ZC3H14: variants seen among roughly 807,000 people sequenced by gnomAD.
ZC3H14 encodes the protein zinc finger CCCH-type containing 14.
A neutral mutation model predicts 92.4 loss-of-function variants in ZC3H14; 31 were observed. The ratio of observed to expected loss-of-function variants is 0.34; its 90% CI spans 0.25 to 0.45. ZC3H14 has a LOEUF of 0.45. Among genes scored for constraint, ZC3H14 ranks in the 20% least tolerant of loss-of-function variants. The pLI is 1.00. For synonymous variants in ZC3H14, 321 were observed against 300.9 expected, an observed-to-expected ratio of 1.07 and a Z score of -0.69; for missense variants, 781 against 897.3, an observed-to-expected ratio of 0.87 and a Z score of 1.66.
At chr14:88,599,438 C>T (rs2084292502) in intron 10 of ZC3H14, among the ~76,000 whole-genome samples, 1 of 152,146 alleles carries the variant, frequency 6.6e-6, no homozygotes, top group Non-Finnish European at 1.5e-5. Flanking sequence ...TGCATGGGGT[C>T]AGCCTGTGGT....
chr14:88,580,176 A>G lies in ZC3H14; in HGVS notation c.1279+2036A>G, dbSNP rs781669170. Among the ~76,000 whole-genome samples the G allele has an allele frequency of 1.6e-3, 246 of 152,122 alleles. 1 individual carries two copies. Among genetic ancestry groups the G allele is most frequent in the Admixed American group, 3.1e-3 (47 of 15,288 alleles). ...CAGGAGGCTGAGGTTGCAGTGAGCC[A>G]CGATCATACCATTGCCCTCCAGGGA... On this transcript the variant is annotated intron_variant, in intron 9 of 16. Transcript: ENST00000251038.
rs1479617614 is a variant in ZC3H14 at position 88,568,145 on chromosome 14, C to T, written c.186C>T (p.Phe62=). The change falls in exon 3 of 17, where the codon TTC becomes TTT. Residue 62 remains phenylalanine, a synonymous_variant. Transcript: ENST00000251038. The part of the protein sequence containing the change: ...SLFLGNNTIR[F]TVWLHGVLDK... Reference sequence around the variant, plus strand: ...TTCTAGGGAACAACACAATTCGATTCACCGTATGGTATGTTTCTGAATTTT... The same window carrying T: ...TTCTAGGGAACAACACAATTCGATTTACCGTATGGTATGTTTCTGAATTTT... The T allele has an allele frequency of 5.0e-6, 8 of 1,613,682 alleles. No individual in the cohort carries two copies. The highest frequency in any genetic ancestry group is 6.8e-6 in the Non-Finnish European group (8 of 1,179,766).
intron 9 of ZC3H14, among the ~76,000 whole-genome samples, chr14:88,578,467 T>C (rs895037221): frequency 1.3e-5 from 2 of 152,260 alleles, no homozygotes; most frequent in East Asian, 3.9e-4. Context: ...TTTTTGAAAG[T>C]CTTTTTATTG....
In ZC3H14 at chr14:88,616,212, G is replaced by A. The variant is rs538021093; in HGVS notation, c.*4461G>A. On this transcript the variant is annotated 3_prime_UTR_variant, in exon 17 of 17. Transcript: ENST00000251038. ...GTAAATCGAATATTTGTCACATGGG[G>A]CGAATGACCCAAGAACCTTTTGTGT... 17 of 1,613,900 alleles carry A rather than the reference G, an allele frequency of 1.1e-5. No homozygotes were observed. The South Asian group carries it at 1.8e-4, about 17-fold the overall frequency.
intron 9 of ZC3H14, among the ~76,000 whole-genome samples, chr14:88,587,674 G>C (rs888657656): frequency 6.6e-6 from 1 of 152,184 alleles, no homozygotes; most frequent in African/African-American, 2.4e-5. Context: ...GGGCATGGTT[G>C]GTGGCTCACA....
At chr14:88,609,530 C>A in intron 14 of ZC3H14, 127 bp downstream of exon 14, 1 of 1,484,394 alleles carries the variant, frequency 6.7e-7, no homozygotes, top group Non-Finnish European at 9.3e-7. Context: ...TTAATCCAAC[C>A]AGTCTTTAAA....
Position 88,613,808 on chromosome 14 carries a change from C to A in ZC3H14, c.*2057C>A, listed in dbSNP as rs1275044840. 1.3e-5 allele frequency: 2 copies of A among 152,188 alleles called. No homozygotes were observed. Among genetic ancestry groups the A allele is most frequent in the Admixed American group, 6.5e-5 (1 of 15,274 alleles). The allele number at this position is 152,188 out of a possible 1,614,324, so 9.4% of individuals were successfully genotyped here. On this transcript the variant is annotated 3_prime_UTR_variant, in exon 17 of 17. Transcript: ENST00000251038. ...CACAATCAGGAGCTTAGATACTGCACACAAAAATAATTATCTGGGTTAAAA... is the reference window on the plus strand; with the variant it reads ...CACAATCAGGAGCTTAGATACTGCAAACAAAAATAATTATCTGGGTTAAAA...
rs188943499 is a variant in ZC3H14, at chr14:88,577,417, A to G, written c.1124-568A>G. Among the ~76,000 whole-genome samples, 12 of 152,260 alleles carry G rather than the reference A, an allele frequency of 7.9e-5. No homozygotes were observed. The East Asian group carries it at 2.3e-3, about 29-fold the overall frequency. On this transcript the variant is annotated intron_variant, in intron 8 of 16. Transcript: ENST00000251038. ...ACCGCATTTTGTTGAAAATGAATAC[A>G]TATGTACTATATTGTATTCATGGTA...
chr14:88,593,117 G>A (rs557082242), intron 9 of ZC3H14, among the ~76,000 whole-genome samples: 7 of 152,042 alleles, frequency 4.6e-5, no homozygotes, highest in East Asian at 3.9e-4. Context: ...ACAGGCGTGC[G>A]CCACCACACC....
intron 9 of ZC3H14, among the ~76,000 whole-genome samples, chr14:88,594,156 A>G (rs889892803): frequency 6.6e-6 from 1 of 152,226 alleles, no homozygotes; most frequent in African/African-American, 2.4e-5. Flanking sequence ...TCAAGGGGAA[A>G]TACAACTCAA....
chr14:88,581,799 G>T (rs2081942585), intron 9 of ZC3H14, among the ~76,000 whole-genome samples: 1 of 152,126 alleles, frequency 6.6e-6, no homozygotes, highest in African/African-American at 2.4e-5. Context: ...GTGAATTAAA[G>T]CCCATTTAAA....
chr14:88,598,004 G>A (rs1427896794), intron 10 of ZC3H14, among the ~76,000 whole-genome samples: 1 of 151,920 alleles, frequency 6.6e-6, no homozygotes, highest in African/African-American at 2.4e-5. Context: ...TACTGATTTT[G>A]TGTACACAAT....
At chr14:88,596,622 A>G in intron 9 of ZC3H14, 112 bp from the exon 10 acceptor site, 1 of 866,030 alleles carries the variant, frequency 1.2e-6, no homozygotes, top group South Asian at 1.4e-5. Flanking sequence ...TTGAAGCTTT[A>G]AGTTACTTTT....
intron 12 of ZC3H14, among the ~76,000 whole-genome samples, chr14:88,604,072 T>A (rs186287419): frequency 2.2e-4 from 34 of 152,308 alleles, no homozygotes; most frequent in African/African-American, 8.2e-4. Context: ...CCCGATTTAT[T>A]GACTCTGTAT....
At chr14:88,571,845 T>C (rs1259050292) in intron 4 of ZC3H14, among the ~76,000 whole-genome samples, 185 bp from the exon 5 acceptor site, 3 of 152,050 alleles carry the variant, frequency 2.0e-5, no homozygotes, top group African/African-American at 7.2e-5. Context: ...ATGCCTGTAA[T>C]CCCAGCTACT....
At chr14:88,598,551 A>G (rs1315906115) in intron 10 of ZC3H14, among the ~76,000 whole-genome samples, 1 of 152,218 alleles carries the variant, frequency 6.6e-6, no homozygotes, top group Non-Finnish European at 1.5e-5. Flanking sequence ...TGAAGAGTCT[A>G]AAGCTCCACT....
At chr14:88,582,038 C>T (rs1033299448) in intron 9 of ZC3H14, among the ~76,000 whole-genome samples, 4 of 152,228 alleles carry the variant, frequency 2.6e-5, no homozygotes, top group Non-Finnish European at 5.9e-5. Context: ...TGGCTACTTT[C>T]ATACTACAGC....
At chr14:88,565,115 A>G (rs2079393968) in intron 2 of ZC3H14, among the ~76,000 whole-genome samples, 1 of 152,196 alleles carries the variant, frequency 6.6e-6, no homozygotes. Context: ...TTCTGATTAA[A>G]TAAATGGTGA....
intron 6 of ZC3H14, among the ~76,000 whole-genome samples, chr14:88,573,912 T>G (rs1260804986): frequency 1.3e-5 from 2 of 152,210 alleles, no homozygotes; most frequent in Non-Finnish European, 2.9e-5. Context: ...CCATGGCGCC[T>G]GGCCCCAAGT....
Sources: gnomAD v4.1 joint callset for allele counts (sites outside exome capture counted in the v4.1 genomes callset) on GRCh38, gnomAD v4.1.1 for gene constraint, MANE v1.5 for transcripts, NCBI Gene and HGNC (gene_info 2026-07-23, HGNC 2026-07-21) for gene names.